FRAS1: variants seen among roughly 807,000 people sequenced by gnomAD.
FRAS1 encodes Fraser extracellular matrix complex subunit 1.
Under a neutral mutation model 435.2 loss-of-function variants are expected in FRAS1, and 290 were observed. The observed-to-expected ratio is 0.67, with a 90% confidence interval of 0.61 to 0.73. The LOEUF (loss-of-function observed/expected upper bound fraction) is 0.73, where lower values mean the gene tolerates loss of function less well. Among genes scored for constraint, FRAS1 ranks in the 30% least tolerant of loss-of-function variants. FRAS1 has a pLI of 0.00. For missense variants in FRAS1, 4,860 were observed against 5,001.5 expected, an observed-to-expected ratio of 0.97 and a Z score of 0.85; for synonymous variants, 1,800 against 1,851.0, an observed-to-expected ratio of 0.97 and a Z score of 0.71.
chr4:78,424,333 T>C (rs923966353), intron 34 of FRAS1, 55 bp from the exon 35 acceptor site: 3 of 927,922 alleles, frequency 3.2e-6, no homozygotes, highest in African/African-American at 3.4e-5. Context: ...ACCTTTCCTA[T>C]CTCTCTCTGA....
intron 41 of FRAS1, 123 bp downstream of exon 41, chr4:78,441,420 T>C: frequency 1.1e-6 from 1 of 931,572 alleles, no homozygotes; most frequent in Non-Finnish European, 1.6e-6. Context: ...TTCAAAGAAA[T>C]GGAAGGAAGG....
intron 2 of FRAS1, among the ~76,000 whole-genome samples, chr4:78,074,938 G>C (rs1740560466): frequency 6.6e-6 from 1 of 152,170 alleles, no homozygotes; most frequent in Non-Finnish European, 1.5e-5. Flanking sequence ...GAAGAGTTAG[G>C]CATTCACAGA....
intron 72 of FRAS1, among the ~76,000 whole-genome samples, chr4:78,538,294 A>G (rs1179661169): frequency 6.6e-6 from 1 of 152,238 alleles, no homozygotes; most frequent in African/African-American, 2.4e-5. Context: ...GTCGATAGAT[A>G]TAAGTCACAT....
chr4:78,457,955 A>C (rs936138734), intron 47 of FRAS1, among the ~76,000 whole-genome samples: 2 of 152,200 alleles, frequency 1.3e-5, no homozygotes, highest in Non-Finnish European at 2.9e-5. Context: ...CCATAATATC[A>C]TCTCAACCAG....
chr4:78,271,518 G>C (rs924244372), intron 9 of FRAS1, among the ~76,000 whole-genome samples: 1 of 152,008 alleles, frequency 6.6e-6, no homozygotes, highest in South Asian at 2.1e-4. Context: ...CCTGTGTCCA[G>C]GTGTTCTCAT....
At chr4:78,194,875 GCT>G (rs1393282086) in intron 2 of FRAS1, among the ~76,000 whole-genome samples, 2 of 152,222 alleles carry the variant, frequency 1.3e-5, no homozygotes, top group South Asian at 4.1e-4. Context: ...CTGTTTTTCT[GCT>G]CTGTTTTTTC....
intron 6 of FRAS1, among the ~76,000 whole-genome samples, chr4:78,263,273 A>T (rs1188674332): frequency 6.6e-6 from 1 of 151,366 alleles, no homozygotes; most frequent in African/African-American, 2.4e-5. Flanking sequence ...TTTCCTGAAA[A>T]TTTTTTCTTT....
chr4:78,086,997 G>T (rs55688153), intron 2 of FRAS1, among the ~76,000 whole-genome samples: 1 of 151,988 alleles, frequency 6.6e-6, no homozygotes, highest in Non-Finnish European at 1.5e-5. Context: ...ACCAATATCC[G>T]TGATGAACAT....
At chr4:78,258,075 T>C (rs1725871350) in intron 6 of FRAS1, among the ~76,000 whole-genome samples, 1 of 152,188 alleles carries the variant, frequency 6.6e-6, no homozygotes, top group Non-Finnish European at 1.5e-5. Context: ...GCATGGTGGT[T>C]CATGCTTGTG....
At chr4:78,416,994 T>C (rs574268302) in intron 32 of FRAS1, among the ~76,000 whole-genome samples, 48 of 151,850 alleles carry the variant, frequency 3.2e-4, no homozygotes, top group African/African-American at 1.1e-3. Flanking sequence ...TTGACAGATA[T>C]ACTATTTTTA....
At position 78,432,258 on chromosome 4, in the gene FRAS1, T is replaced by A. The variant is rs1414161930; in HGVS notation, c.4970-99T>A. Reference sequence around the variant, plus strand: ...TAGCCTGTAACTCCCTGAGTTATGATCCTATATGAACCTTAAAGTCCTGAA... The same window carrying A: ...TAGCCTGTAACTCCCTGAGTTATGAACCTATATGAACCTTAAAGTCCTGAA... On this transcript the variant is annotated intron_variant, in intron 37 of 73. Transcript: ENST00000512123. 3.3e-6 allele frequency: 4 copies of A among 1,215,412 alleles called. No homozygotes were observed. The East Asian group carries it at 7.8e-5, about 24-fold the overall frequency. The allele number at this position is 1,215,412 out of a possible 1,614,324, so 75.3% of individuals were successfully genotyped here.
At chr4:78,215,512 A>G (rs549569587) in intron 2 of FRAS1, among the ~76,000 whole-genome samples, 6 of 152,286 alleles carry the variant, frequency 3.9e-5, no homozygotes, top group African/African-American at 1.4e-4. Flanking sequence ...TTAACTGTAC[A>G]GGTCAGCAGT....
At chr4:78,119,230 T>C (rs1718869161) in intron 2 of FRAS1, among the ~76,000 whole-genome samples, 2 of 152,182 alleles carry the variant, frequency 1.3e-5, no homozygotes, top group Admixed American at 1.3e-4. Context: ...TTGAATTATA[T>C]ATTATTGCTA....
intron 2 of FRAS1, among the ~76,000 whole-genome samples, chr4:78,130,098 C>T (rs931335403): frequency 5.9e-5 from 9 of 152,184 alleles, no homozygotes; most frequent in Admixed American, 5.9e-4. Flanking sequence ...TTCCCCCACC[C>T]TTAAAGATAG....
intron 28 of FRAS1, 120 bp downstream of exon 28, chr4:78,384,263 C>A: frequency 1.3e-6 from 1 of 746,666 alleles, no homozygotes; most frequent in Non-Finnish European, 2.1e-6. Context: ...GTCTTGGTTT[C>A]CTCTTGAGAT....
Position 78,438,556 on chromosome 4 carries a change from G to A in FRAS1, c.5218-14G>A. On this transcript the variant is annotated splice_polypyrimidine_tract_variant and intron_variant, in intron 38 of 73. Coordinates refer to ENST00000512123, the MANE Select transcript of FRAS1 (RefSeq NM_025074.7). Reference sequence around the variant, plus strand: ...AATGTGCGTTCATGTCCTGCCTCATGTTTGCCTCATTAGGATGATTCTTCC... The same window carrying A: ...AATGTGCGTTCATGTCCTGCCTCATATTTGCCTCATTAGGATGATTCTTCC... 1 of 1,613,712 alleles carries A rather than the reference G, an allele frequency of 6.2e-7. No homozygotes were observed. Among genetic ancestry groups the A allele is most frequent in the Non-Finnish European group, 8.5e-7 (1 of 1,179,764 alleles).
At chr4:78,214,050 G>A (rs541538689) in intron 2 of FRAS1, among the ~76,000 whole-genome samples, 5 of 152,322 alleles carry the variant, frequency 3.3e-5, no homozygotes, top group African/African-American at 1.2e-4. Context: ...GAAAGTAGTT[G>A]GTTCTGGGGA....
intron 15 of FRAS1, among the ~76,000 whole-genome samples, chr4:78,308,701 G>C (rs540193830): frequency 2.6e-5 from 4 of 152,230 alleles, no homozygotes; most frequent in Non-Finnish European, 5.9e-5. Context: ...AACAATGAGA[G>C]TTAACCCAGC....
chr4:78,140,682 T>C (rs187201889), intron 2 of FRAS1, among the ~76,000 whole-genome samples: 7,041 of 139,664 alleles, frequency 0.05, 255 homozygotes, highest in Admixed American at 0.083. Context: ...TATATGTATA[T>C]GCATATACAT....
Sources: allele counts gnomAD v4.1 joint callset (sites outside exome capture counted in the v4.1 genomes callset), GRCh38; gene constraint gnomAD v4.1.1; transcripts MANE v1.5; gene names NCBI Gene and HGNC (gene_info 2026-07-23, HGNC 2026-07-21).